Variants in LAMA3 observed in about 807,000 individuals in gnomAD.
LAMA3 encodes laminin subunit alpha-3.
In LAMA3, 281 loss-of-function variants were observed where a neutral mutation model predicts 402.0. That is an observed-to-expected ratio of 0.70 (90% CI 0.63 to 0.77). LAMA3 has a LOEUF of 0.77. Ranked by LOEUF, LAMA3 falls within the 30% of genes least tolerant of loss-of-function variation. The pLI is 0.00. For synonymous variants in LAMA3, 1,431 were observed against 1,558.4 expected, an observed-to-expected ratio of 0.92 and a Z score of 1.93; for missense variants, 3,840 against 4,215.5, an observed-to-expected ratio of 0.91 and a Z score of 2.47.
chr18:23,781,274 T>C (rs1568177756), intron 11 of LAMA3: 1 of 456,104 alleles, frequency 2.2e-6, no homozygotes, highest in South Asian at 1.5e-5. Context: ...GGACCTTGTA[T>C]GGCAGCTGTG....
intron 1 of LAMA3, 126 bp downstream of exon 1, chr18:23,690,103 C>A: frequency 2.7e-6 from 2 of 754,084 alleles, no homozygotes; most frequent in Non-Finnish European, 3.9e-6. Context: ...GGAAGGGCAG[C>A]CCCCATCCCC....
intron 23 of LAMA3, among the ~76,000 whole-genome samples, chr18:23,832,246 C>T (rs1050610182): frequency 6.6e-6 from 1 of 152,112 alleles, no homozygotes; most frequent in African/African-American, 2.4e-5. Context: ...TTTGGAGATG[C>T]CCAGGGGAGA....
intron 32 of LAMA3, among the ~76,000 whole-genome samples, chr18:23,850,807 C>T (rs1003636260): frequency 6.6e-6 from 1 of 152,188 alleles, no homozygotes; most frequent in East Asian, 1.9e-4. Context: ...TTTTGGAAGA[C>T]TTTATCCATC....
At chr18:23,857,785 G>A in intron 32 of LAMA3, 59 bp from the exon 33 acceptor site, 1 of 1,608,288 alleles carries the variant, frequency 6.2e-7, no homozygotes, top group Non-Finnish European at 8.5e-7. Flanking sequence ...GTGTAAGTGA[G>A]CACTTTAAAA....
At position 23,949,556 on chromosome 18, in the gene LAMA3, A is replaced by C. The variant is rs146903959; in HGVS notation, c.9352-209A>C. Among the ~76,000 whole-genome samples the C allele has an allele frequency of 2.6e-5, 4 of 152,326 alleles. No individual in the cohort carries two copies. The East Asian group carries it at 7.7e-4, about 29-fold the overall frequency. On this transcript the variant is annotated intron_variant, in intron 70 of 74. Coordinates refer to ENST00000313654, the MANE Select transcript of LAMA3 (RefSeq NM_198129.4). Reference sequence around the variant, plus strand: ...TTCGACCACCCACCCAACATCTGGTATACAGGTTTTTCTTGGCACTCTGGG... The same window carrying C: ...TTCGACCACCCACCCAACATCTGGTCTACAGGTTTTTCTTGGCACTCTGGG...
intron 39 of LAMA3, among the ~76,000 whole-genome samples, chr18:23,878,883 C>T (rs1177912260): frequency 2.0e-5 from 3 of 152,074 alleles, no homozygotes; most frequent in Admixed American, 6.5e-5. Flanking sequence ...TGGGTGCCAC[C>T]GTCCAGAGGG....
At chr18:23,863,893 C>T (rs947659239) in intron 35 of LAMA3, among the ~76,000 whole-genome samples, 1 of 152,208 alleles carries the variant, frequency 6.6e-6, no homozygotes, top group African/African-American at 2.4e-5. Context: ...CACTCCATGT[C>T]CTCACCACCA....
Position 23,903,086 on chromosome 18 carries a change from A to T in LAMA3, c.6279A>T (p.Gln2093His), listed in dbSNP as rs771548958. 1 of 1,612,842 alleles carries T rather than the reference A, an allele frequency of 6.2e-7. No individual in the cohort carries two copies. Among genetic ancestry groups the T allele is most frequent in the Non-Finnish European group, 8.5e-7 (1 of 1,178,928 alleles). ...YLTTADSSLL[Q>H]TNIALQLMEK... ...CCACTGCAGACTCATCTTTGTTGCAAACCAACATTGCGCTGCAGCTGATGG... is the reference window on the plus strand; with the variant it reads ...CCACTGCAGACTCATCTTTGTTGCATACCAACATTGCGCTGCAGCTGATGG... Residue 2093 changes from glutamine to histidine, a missense_variant, in exon 49 of 75, where the codon CAA becomes CAT. Gln to His is a conservative substitution (Grantham distance 24). This residue lies in a region of LAMA3 where 891 missense variants were observed against 857.5 expected (regional missense o/e 1.04). Transcript: ENST00000313654.
chr18:23,692,014 G>A (rs546471202), intron 1 of LAMA3, among the ~76,000 whole-genome samples: 34 of 152,338 alleles, frequency 2.2e-4, no homozygotes, highest in African/African-American at 8.2e-4. Context: ...AGAACCCCTT[G>A]TTAAAAAATT....
At chr18:23,848,249 G>C (rs1319734942) in intron 32 of LAMA3, among the ~76,000 whole-genome samples, 1 of 152,162 alleles carries the variant, frequency 6.6e-6, no homozygotes, top group East Asian at 1.9e-4. Context: ...CCTGAGAGTG[G>C]GGCTGCCCTC....
At chr18:23,695,357 G>A (rs2060664634) in intron 1 of LAMA3, among the ~76,000 whole-genome samples, 1 of 152,208 alleles carries the variant, frequency 6.6e-6, no homozygotes, top group Non-Finnish European at 1.5e-5. Flanking sequence ...GTGTATGCGT[G>A]TTATCCCTGT....
intron 20 of LAMA3, among the ~76,000 whole-genome samples, chr18:23,823,793 T>C (rs1338784320): frequency 6.6e-6 from 1 of 152,190 alleles, no homozygotes; most frequent in Non-Finnish European, 1.5e-5. Context: ...TTGTAGAAGG[T>C]CCTCTCTTTG....
At chr18:23,835,201 T>A (rs569121043) in intron 24 of LAMA3, among the ~76,000 whole-genome samples, 79 of 152,264 alleles carry the variant, frequency 5.2e-4, no homozygotes, top group African/African-American at 1.8e-3. Flanking sequence ...CCATACCCAT[T>A]TGTCCACGCC....
At chr18:23,848,306 G>T (rs570809759) in intron 32 of LAMA3, among the ~76,000 whole-genome samples, 4 of 150,792 alleles carry the variant, frequency 2.7e-5, no homozygotes, top group Non-Finnish European at 5.9e-5. Flanking sequence ...GGGACAGGTG[G>T]AGACCTCGGC....
Position 23,884,803 on chromosome 18 carries a change from A to T in LAMA3, c.5253A>T (p.Gly1751=). 6.2e-7 allele frequency: 1 copy of T among 1,613,132 alleles called. No homozygotes were observed. Among genetic ancestry groups the T allele is most frequent in the Middle Eastern group, 1.7e-4 (1 of 6,060 alleles). ...CCACTGGCTGTGTGGTGAATGGGGGAGACGTGCGGTGCTCCTGCAAAGCTG... is the reference window on the plus strand; with the variant it reads ...CCACTGGCTGTGTGGTGAATGGGGGTGACGTGCGGTGCTCCTGCAAAGCTG... The part of the protein sequence containing the change: ...SFATGCVVNG[G]DVRCSCKAGY... Residue 1751 remains glycine, a synonymous_variant, in exon 41 of 75, where the codon GGA becomes GGT. Coordinates refer to ENST00000313654, the MANE Select transcript of LAMA3 (RefSeq NM_198129.4).
chr18:23,725,846 T>C (rs2145973280), intron 2 of LAMA3, among the ~76,000 whole-genome samples: 1 of 152,372 alleles, frequency 6.6e-6, no homozygotes, highest in East Asian at 1.9e-4. Context: ...CTGTTGCACT[T>C]CTCTCTTTAA....
intron 2 of LAMA3, among the ~76,000 whole-genome samples, chr18:23,744,429 G>A (rs535883650): frequency 6.6e-6 from 1 of 152,314 alleles, no homozygotes; most frequent in Non-Finnish European, 1.5e-5. Flanking sequence ...AAGATGAGTT[G>A]GTGCCATCAG....
intron 21 of LAMA3, 140 bp downstream of exon 21, chr18:23,824,705 A>G (rs976276279): frequency 7.9e-6 from 7 of 888,120 alleles, no homozygotes; most frequent in Non-Finnish European, 1.3e-5. Context: ...TTCAGCCCCA[A>G]CCTAAGGAAA....
chr18:23,838,808 GA>G lies in LAMA3; in HGVS notation c.3123del (p.Glu1041AspfsTer7). ...TCAAGTTTGTATCATACCTATTGAA[GA>G]ATTCTCAGCTGAGTATGTGAGACCA... ...LHQVCIIPIE[E>X]FSAEYVRPQV... On this transcript the variant is annotated frameshift_variant, in exon 26 of 75. Coordinates refer to ENST00000313654, the MANE Select transcript of LAMA3 (RefSeq NM_198129.4). LOFTEE classifies it high-confidence loss of function. The G allele has an allele frequency of 6.2e-7, 1 of 1,610,888 alleles. No homozygotes were observed.
Sources: gnomAD v4.1 joint callset for allele counts (sites outside exome capture counted in the v4.1 genomes callset) on GRCh38, gnomAD v4.1.1 for gene constraint, gnomAD v4.1.1 regional missense constraint, MANE v1.5 for transcripts, NCBI Gene and HGNC (gene_info 2026-07-23, HGNC 2026-07-21) for gene names.